PID1: variants seen among roughly 807,000 people sequenced by gnomAD.
PID1 encodes the protein PTB-containing, cubilin and LRP1-interacting protein.
PID1 carries 10 observed loss-of-function variants against 19.1 expected under a neutral mutation model. The observed-to-expected ratio is 0.52, with a 90% CI of 0.32 to 0.89. PID1 has a LOEUF of 0.89. Among genes scored for constraint, PID1 ranks in the 40% least tolerant of loss-of-function variants. The pLI is 0.03. For synonymous variants in PID1, 130 were observed against 116.0 expected (o/e 1.12, Z -0.78); for missense variants, 248 against 285.3 (o/e 0.87, Z 0.94).
At chr2:229,122,257 G>T (rs1695538920) in intron 2 of PID1, among the ~76,000 whole-genome samples, 1 of 152,128 alleles carries the variant, frequency 6.6e-6, no homozygotes, top group South Asian at 2.1e-4. Flanking sequence ...ATTAACAATA[G>T]ATTCAACAAA....
At chr2:229,251,944 T>TAAAAAAAAAAA (rs11284650) in intron 1 of PID1, among the ~76,000 whole-genome samples, 45 of 71,352 alleles carry the variant, frequency 6.3e-4, no homozygotes, top group Non-Finnish European at 7.4e-4. Flanking sequence ...AACCATAAGC[T>TAAAAAAAAAAA]AAAAAAAAAA....
intron 2 of PID1, among the ~76,000 whole-genome samples, chr2:229,121,460 T>G (rs1419922981): frequency 6.6e-6 from 1 of 152,214 alleles, no homozygotes; most frequent in East Asian, 1.9e-4. Flanking sequence ...GCTCTGTCAC[T>G]CAATTTTGTT....
intron 1 of PID1, among the ~76,000 whole-genome samples, chr2:229,256,974 TTAAAAA>T (rs1690317964): frequency 6.6e-6 from 1 of 152,204 alleles, no homozygotes; most frequent in South Asian, 2.1e-4. Context: ...GGTGCCTAAT[TTAAAAA>T]CCCATGGTCT....
intron 2 of PID1, among the ~76,000 whole-genome samples, chr2:229,065,186 T>A (rs541323962): frequency 6.6e-6 from 1 of 152,302 alleles, no homozygotes; most frequent in East Asian, 1.9e-4. Flanking sequence ...AAACTATTCA[T>A]TTAAGTACCT....
intron 2 of PID1, among the ~76,000 whole-genome samples, chr2:229,139,399 T>C (rs1029366429): frequency 6.6e-5 from 10 of 152,120 alleles, no homozygotes; most frequent in African/African-American, 2.4e-4. Context: ...ATCCTACAAA[T>C]ACAATGAAAA....
At chr2:229,075,919 C>T (rs1860762) in intron 2 of PID1, among the ~76,000 whole-genome samples, 120,662 of 152,088 alleles carry the variant, frequency 0.79, 48,644 homozygotes, top group African/African-American at 0.93. Context: ...GGTGGCTGGA[C>T]CTTCACATCA....
At position 229,183,888 on chromosome 2, in the gene PID1, A is replaced by ATATATATATATATATATATCCCC. The variant is rs1691002536; in HGVS notation, c.31-27925_31-27924insGGGGATATATATATATATATATA. Among the ~76,000 whole-genome samples, 2 of 1,120 alleles carry ATATATATATATATATATATCCCC rather than the reference A, an allele frequency of 1.8e-3. 1 individual carries two copies. The highest frequency in any genetic ancestry group is 2.8e-3 in the African/African-American group (2 of 712). The allele number at this position is 1,120 out of a possible 152,430, so 0.7% of individuals were successfully genotyped here. A position where few individuals can be genotyped will look rare whatever the true frequency, so the allele number is the denominator to read the frequency against. ...TCACTCTCTCTCTTTCTATATATAT[A>ATATATATATATATATATATCCCC]TATATATATATATATATATATATCC... On this transcript the variant is annotated intron_variant, in intron 1 of 2. Transcript: ENST00000392055.
chr2:229,097,070 G>A (rs936888194), intron 2 of PID1, among the ~76,000 whole-genome samples: 1 of 152,098 alleles, frequency 6.6e-6, no homozygotes, highest in African/African-American at 2.4e-5. Context: ...GTCCACCACT[G>A]CTACAAGATA....
At chr2:229,122,097 G>C (rs2106159143) in intron 2 of PID1, among the ~76,000 whole-genome samples, 1 of 152,248 alleles carries the variant, frequency 6.6e-6, no homozygotes. Flanking sequence ...AACATCTTAA[G>C]AGAATTAGTA....
chr2:229,199,094 A>G (rs537107607), intron 1 of PID1, among the ~76,000 whole-genome samples: 1 of 151,984 alleles, frequency 6.6e-6, no homozygotes, highest in Admixed American at 6.6e-5. Flanking sequence ...CTTGTTCCCA[A>G]ACTGACACCC....
chr2:229,175,465 T>C (rs1382304818), intron 1 of PID1, among the ~76,000 whole-genome samples: 1 of 152,244 alleles, frequency 6.6e-6, no homozygotes, highest in Non-Finnish European at 1.5e-5. Flanking sequence ...TGCTGTTGTT[T>C]ATGAGTCAAT....
intron 2 of PID1, among the ~76,000 whole-genome samples, chr2:229,083,692 A>T (rs906446394): frequency 8.5e-5 from 13 of 152,198 alleles, no homozygotes; most frequent in Admixed American, 6.5e-4. Flanking sequence ...GTTTGATGAG[A>T]GTGAAATTGA....
intron 2 of PID1, among the ~76,000 whole-genome samples, chr2:229,099,898 G>A (rs1022744990): frequency 6.6e-6 from 1 of 152,146 alleles, no homozygotes; most frequent in African/African-American, 2.4e-5. Context: ...GAATGTTTGT[G>A]TCCCTCCAAA....
At chr2:229,227,808 T>C (rs942500345) in intron 1 of PID1, 2 of 318,054 alleles carry the variant, frequency 6.3e-6, no homozygotes, top group Non-Finnish European at 1.3e-5. Context: ...TACAGACTTT[T>C]TTCTTGTCAT....
chr2:229,030,418 T>A (rs748592736), intron 2 of PID1, among the ~76,000 whole-genome samples: 1 of 152,172 alleles, frequency 6.6e-6, no homozygotes, highest in Non-Finnish European at 1.5e-5. Flanking sequence ...GTAAGTTTTA[T>A]GTTGTATGTA....
At chr2:229,228,452 T>C (rs1018291061) in intron 1 of PID1, among the ~76,000 whole-genome samples, 9 of 152,214 alleles carry the variant, frequency 5.9e-5, no homozygotes, top group African/African-American at 2.2e-4. Context: ...AAGAATTTGA[T>C]TGATTTTACC....
chr2:229,087,089 TAC>T (rs1694783185), intron 2 of PID1, among the ~76,000 whole-genome samples: 2 of 152,200 alleles, frequency 1.3e-5, no homozygotes, highest in South Asian at 4.1e-4. Flanking sequence ...GTCTGAGGCA[TAC>T]ACATTGTGCT....
At chr2:229,094,119 C>T (rs985140500) in intron 2 of PID1, among the ~76,000 whole-genome samples, 1 of 152,110 alleles carries the variant, frequency 6.6e-6, no homozygotes, top group East Asian at 1.9e-4. Context: ...TCACTGCACA[C>T]AAATCAGTAG....
intron 1 of PID1, among the ~76,000 whole-genome samples, chr2:229,218,293 C>CAAAAAAAAAAAA (rs67801043): frequency 3.0e-5 from 2 of 67,596 alleles, no homozygotes; most frequent in African/African-American, 5.9e-5. Context: ...GTTTCCTGAG[C>CAAAAAAAAAAAA]AAAAAAAAAA....
Sources: allele counts gnomAD v4.1 joint callset (sites outside exome capture counted in the v4.1 genomes callset), GRCh38; gene constraint gnomAD v4.1.1; transcripts MANE v1.5; gene names NCBI Gene and HGNC (gene_info 2026-07-23, HGNC 2026-07-21).